SPAG16: variants seen among roughly 807,000 people sequenced by gnomAD.
SPAG16 encodes the protein sperm associated antigen 16.
In SPAG16, 86 loss-of-function variants were observed where a neutral mutation model predicts 80.4. The observed-to-expected ratio is 1.07, with a 90% confidence interval of 0.90 to 1.28. SPAG16 has a LOEUF of 1.28. SPAG16 is among the 50% of genes most tolerant of loss of function. The pLI is 0.00. For synonymous variants in SPAG16, 294 were observed against 265.9 expected (o/e 1.11, Z -1.03); for missense variants, 870 against 765.3 (o/e 1.14, Z -1.61).
chr2:213,819,501 A>G (rs1486504302), intron 10 of SPAG16, among the ~76,000 whole-genome samples: 1 of 152,168 alleles, frequency 6.6e-6, no homozygotes, highest in Non-Finnish European at 1.5e-5. Flanking sequence ...CAGGTGTTCA[A>G]TTAATATTTG....
intron 13 of SPAG16, among the ~76,000 whole-genome samples, chr2:214,043,459 A>C (rs2049144612): frequency 6.6e-6 from 1 of 152,168 alleles, no homozygotes; most frequent in Non-Finnish European, 1.5e-5. Context: ...AAAGGAAATT[A>C]ATCAATTTCA....
At chr2:213,370,691 A>G (rs1187140601) in intron 8 of SPAG16, among the ~76,000 whole-genome samples, 1 of 152,220 alleles carries the variant, frequency 6.6e-6, no homozygotes, top group Non-Finnish European at 1.5e-5. Context: ...TTTATCCTTG[A>G]CATATCAATT....
At chr2:213,285,951 A>G in intron 1 of SPAG16, 1 of 1,277,734 alleles carries the variant, frequency 7.8e-7, no homozygotes, top group South Asian at 1.2e-5. Context: ...TGTTTGCATT[A>G]AAATTATTTC....
chr2:213,460,838 C>T (rs1299022937), intron 9 of SPAG16, among the ~76,000 whole-genome samples: 1 of 151,998 alleles, frequency 6.6e-6, no homozygotes, highest in Non-Finnish European at 1.5e-5. Context: ...TTCTATAGTG[C>T]AAAAATGAAT....
At chr2:213,692,434 A>C (rs949489139) in intron 10 of SPAG16, among the ~76,000 whole-genome samples, 1 of 152,180 alleles carries the variant, frequency 6.6e-6, no homozygotes, top group Non-Finnish European at 1.5e-5. Context: ...GCAGAGAGAG[A>C]GCCACTGATT....
intron 15 of SPAG16, among the ~76,000 whole-genome samples, chr2:214,190,653 A>T (rs1321524969): frequency 6.6e-6 from 1 of 152,064 alleles, no homozygotes; most frequent in East Asian, 1.9e-4. Flanking sequence ...TGGTTTTCAG[A>T]TGTGCGGCCT....
At chr2:214,175,061 A>G (rs940472129) in intron 15 of SPAG16, among the ~76,000 whole-genome samples, 2 of 151,464 alleles carry the variant, frequency 1.3e-5, no homozygotes, top group African/African-American at 2.4e-5. Flanking sequence ...TTGTTACTTT[A>G]TCAGCTATAA....
intron 10 of SPAG16, among the ~76,000 whole-genome samples, chr2:213,512,309 A>G (rs2125818537): frequency 1.3e-5 from 2 of 152,314 alleles, no homozygotes; most frequent in East Asian, 3.9e-4. Flanking sequence ...GACAGACAAA[A>G]TGGACTTGAA....
chr2:214,231,134 C>T (rs1477041456), intron 15 of SPAG16, among the ~76,000 whole-genome samples: 1 of 151,834 alleles, frequency 6.6e-6, no homozygotes. Flanking sequence ...CCAACCATGT[C>T]CCAGAACAGT....
chr2:213,501,677 C>T (rs768225092), intron 10 of SPAG16, among the ~76,000 whole-genome samples: 4 of 152,072 alleles, frequency 2.6e-5, no homozygotes, highest in African/African-American at 7.2e-5. Context: ...TGTTGTAGTA[C>T]ATTTAAGTCT....
At chr2:214,122,452 T>C (rs2054268218) in intron 14 of SPAG16, among the ~76,000 whole-genome samples, 1 of 151,824 alleles carries the variant, frequency 6.6e-6, no homozygotes, top group South Asian at 2.1e-4. Context: ...AAACTGCAAT[T>C]GCCTACCTAA....
rs144286239 is a variant in SPAG16 at position 213,692,380 on chromosome 2, G to A, written c.1071-170105G>A. On this transcript the variant is annotated intron_variant, in intron 10 of 15. Transcript: ENST00000331683. Reference sequence around the variant, plus strand: ...CACTTAATGGAATCTGCTGGAGATTGACTTGTGTTTGTACTAAAAATACAT... The same window carrying A: ...CACTTAATGGAATCTGCTGGAGATTAACTTGTGTTTGTACTAAAAATACAT... Among the ~76,000 whole-genome samples, 214 of 152,240 alleles carry A rather than the reference G, an allele frequency of 1.4e-3. 2 individuals carry two copies. Among genetic ancestry groups the A allele is most frequent in the African/African-American group, 4.7e-3 (195 of 41,546 alleles).
At chr2:213,905,658 A>T (rs995152578) in intron 11 of SPAG16, among the ~76,000 whole-genome samples, 3 of 152,192 alleles carry the variant, frequency 2.0e-5, no homozygotes, top group African/African-American at 7.2e-5. Flanking sequence ...ATTACATTCT[A>T]TTGGCAGGGA....
At chr2:214,121,965 G>T (rs1171795719) in intron 14 of SPAG16, among the ~76,000 whole-genome samples, 1 of 151,616 alleles carries the variant, frequency 6.6e-6, no homozygotes, top group African/African-American at 2.4e-5. Flanking sequence ...CTATTCCTAA[G>T]AATTTTGTAT....
intron 9 of SPAG16, among the ~76,000 whole-genome samples, chr2:213,478,795 G>A (rs73986887): frequency 0.096 from 14,622 of 152,060 alleles, 1,826 homozygotes; most frequent in African/African-American, 0.29. Context: ...TAAAATCAAG[G>A]AGGCTTCACT....
chr2:213,514,470 AT>A (rs201494300), intron 10 of SPAG16, among the ~76,000 whole-genome samples: 39 of 151,526 alleles, frequency 2.6e-4, no homozygotes, highest in East Asian at 3.9e-4. Flanking sequence ...TTGTCGGCAT[AT>A]TTTTTTTTAT....
chr2:213,711,210 T>A (rs570813690), intron 10 of SPAG16, among the ~76,000 whole-genome samples: 6 of 152,268 alleles, frequency 3.9e-5, no homozygotes, highest in Non-Finnish European at 8.8e-5. Flanking sequence ...TTTATGTACT[T>A]TCCTCTCAGT....
At chr2:214,143,736 G>T (rs973847221) in intron 14 of SPAG16, among the ~76,000 whole-genome samples, 16 of 152,076 alleles carry the variant, frequency 1.1e-4, no homozygotes, top group African/African-American at 3.6e-4. Context: ...ACTGTGCTGG[G>T]TGCTAGAGAT....
chr2:213,323,638 T>A (rs2063723061), intron 5 of SPAG16, among the ~76,000 whole-genome samples: 1 of 152,166 alleles, frequency 6.6e-6, no homozygotes, highest in South Asian at 2.1e-4. Flanking sequence ...TGAAGTGAAT[T>A]GAATTGAAAC....
Sources: gnomAD v4.1 joint callset for allele counts (sites outside exome capture counted in the v4.1 genomes callset) on GRCh38, gnomAD v4.1.1 for gene constraint, MANE v1.5 for transcripts, NCBI Gene and HGNC (gene_info 2026-07-23, HGNC 2026-07-21) for gene names.